CYP20A1: variants seen among roughly 807,000 people sequenced by gnomAD.
The protein encoded by CYP20A1 is cytochrome P450 family 20 subfamily A member 1.
A neutral mutation model predicts 61.4 loss-of-function variants in CYP20A1; 61 were observed. That is an observed-to-expected ratio of 0.99 (90% CI 0.81 to 1.23). CYP20A1 has a LOEUF of 1.23. Among genes scored for constraint, CYP20A1 ranks in the 50% most tolerant of loss-of-function variants. CYP20A1 has a pLI of 0.00. For synonymous variants in CYP20A1, 193 were observed against 188.2 expected (o/e 1.03, Z -0.21); for missense variants, 530 against 542.4 (o/e 0.98, Z 0.23).
chr2:203,257,719 G>T (rs915007241), intron 4 of CYP20A1, among the ~76,000 whole-genome samples: 1 of 151,768 alleles, frequency 6.6e-6, no homozygotes, highest in African/African-American at 2.4e-5. Context: ...AACCCAGGAG[G>T]CAGAGGTTGC....
intron 4 of CYP20A1, among the ~76,000 whole-genome samples, chr2:203,261,863 C>T (rs1239014271): frequency 1.3e-5 from 2 of 151,866 alleles, no homozygotes; most frequent in African/African-American, 4.8e-5. Flanking sequence ...GAAAGCTGTT[C>T]GTGGAGAGGT....
intron 4 of CYP20A1, among the ~76,000 whole-genome samples, chr2:203,260,552 T>A (rs574810288): frequency 6.6e-6 from 1 of 152,170 alleles, no homozygotes; most frequent in Non-Finnish European, 1.5e-5. Context: ...AGGGTCTCGC[T>A]TTGTCACCCA....
rs1190795053 is a variant in CYP20A1 at position 203,301,262 on chromosome 2, CT to C, written c.*4366del. On this transcript the variant is annotated 3_prime_UTR_variant, in exon 13 of 13. Coordinates refer to ENST00000356079, the MANE Select transcript of CYP20A1 (RefSeq NM_177538.3). Reference sequence around the variant, plus strand: ...TTCTTTTCTTTCTTTCTTTTCTTTTCTTTTTTTTTTTTGAGGCACAGTCTTG... The same window carrying C: ...TTCTTTTCTTTCTTTCTTTTCTTTTCTTTTTTTTTTTGAGGCACAGTCTTG... 1.3e-3 allele frequency among the ~76,000 whole-genome samples: 170 copies of C among 133,030 alleles called. No individual in the cohort carries two copies. Among genetic ancestry groups the C allele is most frequent in the African/African-American group, 2.3e-3 (84 of 36,840 alleles). The allele number at this position is 133,030 out of a possible 152,430, so 87.3% of individuals were successfully genotyped here.
At chr2:203,251,348 A>G (rs1250900994) in intron 3 of CYP20A1, among the ~76,000 whole-genome samples, 1 of 151,872 alleles carries the variant, frequency 6.6e-6, no homozygotes, top group Non-Finnish European at 1.5e-5. Context: ...CTTTTTTTAA[A>G]AAAATTTGAA....
chr2:203,256,589 C>T (rs1350318035), intron 4 of CYP20A1, among the ~76,000 whole-genome samples: 1 of 151,976 alleles, frequency 6.6e-6, no homozygotes, highest in Non-Finnish European at 1.5e-5. Context: ...AAACTCCTAG[C>T]CTCAGGTGAT....
rs563354142 is a variant in CYP20A1, at chr2:203,251,027, G to C, written c.290-940G>C. On this transcript the variant is annotated intron_variant, in intron 3 of 12. Transcript: ENST00000356079. Reference sequence around the variant, plus strand: ...TGCGGTGAGCCAAGATTGCGCCACTGCACTCCAGCCTGGGGGACAGAGCGA... The same window carrying C: ...TGCGGTGAGCCAAGATTGCGCCACTCCACTCCAGCCTGGGGGACAGAGCGA... Among the ~76,000 whole-genome samples, 91 of 125,334 alleles carry C rather than the reference G, an allele frequency of 7.3e-4. 1 individual carries two copies. Among genetic ancestry groups the C allele is most frequent in the African/African-American group, 2.5e-3 (85 of 33,384 alleles). 82.2% of individuals were successfully genotyped at this position (125,334 alleles called of 152,430 possible). A position where few individuals can be genotyped will look rare whatever the true frequency, so the allele number is the denominator to read the frequency against.
At chr2:203,271,050 A>ATG (rs201973832) in intron 5 of CYP20A1, among the ~76,000 whole-genome samples, 4 of 42,054 alleles carry the variant, frequency 9.5e-5, no homozygotes, top group South Asian at 1.4e-3. Context: ...ATATATGTAT[A>ATG]TGTGTATATA....
chr2:203,261,779 A>G (rs1382438292), intron 4 of CYP20A1, among the ~76,000 whole-genome samples: 1 of 151,552 alleles, frequency 6.6e-6, no homozygotes, highest in Admixed American at 6.6e-5. Flanking sequence ...ATATTAGCAA[A>G]ACTTGTTGCA....
At chr2:203,257,661 C>T (rs923839167) in intron 4 of CYP20A1, among the ~76,000 whole-genome samples, 11 of 151,620 alleles carry the variant, frequency 7.3e-5, no homozygotes, top group Admixed American at 1.3e-4. Context: ...TGGTGGCAGG[C>T]GCCTGTAATC....
In CYP20A1 at chr2:203,239,140, C is replaced by T. The variant is rs763863819; in HGVS notation, c.72+6C>T. Reference sequence around the variant, plus strand: ...CCGTGCTCTACCTCTATCCGGTGAGCGCCGTCTTGGCTCTCTGGGGCCCCG... The same window carrying T: ...CCGTGCTCTACCTCTATCCGGTGAGTGCCGTCTTGGCTCTCTGGGGCCCCG... On this transcript the variant is annotated splice_donor_region_variant and intron_variant, in intron 1 of 12. Coordinates refer to ENST00000356079, the MANE Select transcript of CYP20A1 (RefSeq NM_177538.3). The T allele has an allele frequency of 3.1e-5, 50 of 1,611,906 alleles. No individual in the cohort carries two copies. Among genetic ancestry groups the T allele is most frequent in the Non-Finnish European group, 3.6e-5 (42 of 1,179,006 alleles).
At position 203,296,804 on chromosome 2, in the gene CYP20A1, AG is replaced by A. The variant is rs1559111430; in HGVS notation, c.1286del (p.Arg429AsnfsTer19). 6.2e-7 allele frequency: 1 copy of A among 1,608,106 alleles called. No individual in the cohort carries two copies. The highest frequency in any genetic ancestry group is 8.5e-7 in the Non-Finnish European group (1 of 1,176,690). Reference sequence around the variant, plus strand: ...AGTACTTCTTAGTGTATTGGTGAAGAGACTGCACCTACTTTCTGTGGAGGGA... The same window carrying A: ...AGTACTTCTTAGTGTATTGGTGAAGAACTGCACCTACTTTCTGTGGAGGGA... ...TTVLLSVLVK[R>X]LHLLSVEGQV... On this transcript the variant is annotated frameshift_variant, in exon 13 of 13. Transcript: ENST00000356079. LOFTEE classifies it high-confidence loss of function.
At position 203,292,374 on chromosome 2, in the gene CYP20A1, G is replaced by A. The variant is rs201689236; in HGVS notation, c.1148+48G>A. On this transcript the variant is annotated intron_variant, in intron 11 of 12. Coordinates refer to ENST00000356079, the MANE Select transcript of CYP20A1 (RefSeq NM_177538.3). ...TTTGTGACTGTCAGTTTTTGTGTTT[G>A]CACGTTTTGCATTCCTTTCCTAACT... The A allele has an allele frequency of 2.9e-6, 4 of 1,371,348 alleles. No homozygotes were observed. The Admixed American group carries it at 5.2e-5, about 18-fold the overall frequency. The allele number at this position is 1,371,348 out of a possible 1,614,324, so 84.9% of individuals were successfully genotyped here. A position where few individuals can be genotyped will look rare whatever the true frequency, so the allele number is the denominator to read the frequency against.
intron 4 of CYP20A1, among the ~76,000 whole-genome samples, chr2:203,261,551 A>G (rs544271367): frequency 2.4e-5 from 3 of 126,708 alleles, no homozygotes; most frequent in Admixed American, 8.2e-5. Context: ...CCTGGAGTGC[A>G]GTGGCATGAT....
At chr2:203,262,470 T>C (rs1559092995) in intron 4 of CYP20A1, among the ~76,000 whole-genome samples, 1 of 152,072 alleles carries the variant, frequency 6.6e-6, no homozygotes, top group Non-Finnish European at 1.5e-5. Flanking sequence ...TGAACCAACT[T>C]TTTTTTCTAT....
chr2:203,272,885 G>A, intron 6 of CYP20A1, 137 bp downstream of exon 6: 3 of 450,934 alleles, frequency 6.7e-6, no homozygotes, highest in Non-Finnish European at 1.1e-5. Flanking sequence ...GTCTCGCTCT[G>A]TTGCCAGGCT....
In CYP20A1 at chr2:203,303,741, G is replaced by A. The variant is rs144478567; in HGVS notation, c.*6833G>A. 2.7e-3 allele frequency among the ~76,000 whole-genome samples: 413 copies of A among 151,826 alleles called. No individual in the cohort carries two copies. The highest frequency in any genetic ancestry group is 5.1e-3 in the Non-Finnish European group (344 of 67,920). On this transcript the variant is annotated 3_prime_UTR_variant, in exon 13 of 13. Transcript: ENST00000356079. Reference sequence around the variant, plus strand: ...AAAAAGAAAACTTAACTGGCCTTTGGGGCACATGCCTGTAATCCCAGCTTC... The same window carrying A: ...AAAAAGAAAACTTAACTGGCCTTTGAGGCACATGCCTGTAATCCCAGCTTC...
At chr2:203,258,749 G>A (rs1195452859) in intron 4 of CYP20A1, among the ~76,000 whole-genome samples, 1 of 152,080 alleles carries the variant, frequency 6.6e-6, no homozygotes, top group South Asian at 2.1e-4. Context: ...TACATACGTC[G>A]TGTTCTTTGA....
At chr2:203,272,851 C>A in intron 6 of CYP20A1, 103 bp downstream of exon 6, 4 of 428,950 alleles carry the variant, frequency 9.3e-6, no homozygotes, top group Non-Finnish European at 1.6e-5. Context: ...TTTATATTTT[C>A]TTTTTTTTTT....
intron 8 of CYP20A1, among the ~76,000 whole-genome samples, chr2:203,284,960 A>G (rs913431855): frequency 1.3e-5 from 2 of 151,602 alleles, no homozygotes; most frequent in Non-Finnish European, 2.9e-5. Context: ...TGCCCAGACT[A>G]GTCTTGAACT....
Sources: allele counts gnomAD v4.1 joint callset (sites outside exome capture counted in the v4.1 genomes callset), GRCh38; gene constraint gnomAD v4.1.1; transcripts MANE v1.5; gene names NCBI Gene and HGNC (gene_info 2026-07-23, HGNC 2026-07-21).